LRRC4C: variants seen among roughly 807,000 people sequenced by gnomAD.
LRRC4C encodes the protein leucine rich repeat containing 4C, also known as leucine-rich repeat-containing protein 4C.
LRRC4C carries 5 observed loss-of-function variants against 33.6 expected under a neutral mutation model. The observed-to-expected ratio is 0.15, with a 90% CI of 0.08 to 0.31. The LOEUF is 0.31. Among genes scored for constraint, LRRC4C ranks in the 10% least tolerant of loss-of-function variants. The pLI, the probability that LRRC4C is intolerant of heterozygous loss-of-function variation, is 1.00. For missense variants in LRRC4C, 560 were observed against 796.7 expected (o/e 0.70, Z 3.58); for synonymous variants, 329 against 302.0 (o/e 1.09, Z -0.93).
intron 2 of LRRC4C, among the ~76,000 whole-genome samples, chr11:40,751,062 C>T (rs766913709): frequency 6.6e-6 from 1 of 150,412 alleles, no homozygotes; most frequent in Non-Finnish European, 1.5e-5. Context: ...TTGACAAATT[C>T]CACCTCCCTT....
rs1276243081 is a variant in LRRC4C at position 40,431,112 on chromosome 11, A to T, written c.-269-111391T>A. Among the ~76,000 whole-genome samples, 284 of 151,152 alleles carry T rather than the reference A, an allele frequency of 1.9e-3. 4 individuals carry two copies. The highest frequency in any genetic ancestry group is 6.7e-3 in the African/African-American group (275 of 41,206). On this transcript the variant is annotated intron_variant, in intron 3 of 6. Coordinates refer to ENST00000528697, the MANE Select transcript of LRRC4C (RefSeq NM_001258419.2). Reference sequence around the variant, plus strand: ...TAAAGTATAATAAAAAAAAAAAAAAAAAATAAATTAAGCACATTGTACTTT... The same window carrying T: ...TAAAGTATAATAAAAAAAAAAAAAATAAATAAATTAAGCACATTGTACTTT...
At chr11:41,021,909 C>T (rs1856009593) in intron 1 of LRRC4C, among the ~76,000 whole-genome samples, 1 of 151,872 alleles carries the variant, frequency 6.6e-6, no homozygotes, top group African/African-American at 2.4e-5. Flanking sequence ...TTCATATATT[C>T]TCACTAATAA....
intron 1 of LRRC4C, among the ~76,000 whole-genome samples, chr11:41,289,263 A>C (rs1000949105): frequency 6.6e-6 from 1 of 152,218 alleles, no homozygotes; most frequent in Non-Finnish European, 1.5e-5. Flanking sequence ...ATCATTAAGT[A>C]ATAGTCTTTG....
At chr11:41,107,285 G>A (rs559716594) in intron 1 of LRRC4C, among the ~76,000 whole-genome samples, 1 of 151,816 alleles carries the variant, frequency 6.6e-6, no homozygotes, top group Non-Finnish European at 1.5e-5. Context: ...TACTTAATTG[G>A]CAGCTTATGA....
chr11:40,981,103 G>C (rs1216699474), intron 1 of LRRC4C, among the ~76,000 whole-genome samples: 1 of 152,140 alleles, frequency 6.6e-6, no homozygotes, highest in Non-Finnish European at 1.5e-5. Context: ...CAAACCATCT[G>C]AAATATATGT....
intron 2 of LRRC4C, among the ~76,000 whole-genome samples, chr11:40,912,489 C>A (rs887815230): frequency 6.6e-6 from 1 of 152,132 alleles, no homozygotes. Flanking sequence ...TACAGACAAG[C>A]AAATGCTGAG....
intron 6 of LRRC4C, among the ~76,000 whole-genome samples, chr11:40,119,588 T>C (rs1017111874): frequency 1.3e-5 from 2 of 152,172 alleles, no homozygotes; most frequent in African/African-American, 4.8e-5. Flanking sequence ...TGAAAAGATA[T>C]TGAAAAATGT....
intron 3 of LRRC4C, chr11:40,446,136 G>A (rs891133274): frequency 6.6e-6 from 1 of 152,080 alleles, no homozygotes; most frequent in East Asian, 1.9e-4. Flanking sequence ...ACCCACATGA[G>A]GTCTCTCCCA....
At chr11:40,800,971 C>A (rs1247723260) in intron 2 of LRRC4C, among the ~76,000 whole-genome samples, 1 of 152,102 alleles carries the variant, frequency 6.6e-6, no homozygotes, top group Non-Finnish European at 1.5e-5. Context: ...TCTTCACTAC[C>A]TTGCCTTCCC....
intron 1 of LRRC4C, among the ~76,000 whole-genome samples, chr11:41,199,207 C>T (rs991814767): frequency 1.3e-5 from 2 of 152,036 alleles, no homozygotes; most frequent in East Asian, 3.9e-4. Flanking sequence ...GTGAGTATTC[C>T]TGAGTTTGTT....
At position 40,801,030 on chromosome 11, in the gene LRRC4C, C is replaced by T. The variant is rs1326024596; in HGVS notation, c.-407+132605G>A. On this transcript the variant is annotated intron_variant, in intron 2 of 6. Coordinates refer to ENST00000528697, the MANE Select transcript of LRRC4C (RefSeq NM_001258419.2). The stretch of plus-strand genomic sequence containing the variant: ...GGGCTTGTTTTCAATTATTCACCCA[C>T]GTTAATTATATTCCGCACTCTAAGT... Among the ~76,000 whole-genome samples the T allele has an allele frequency of 5.3e-5, 8 of 152,094 alleles. No homozygotes were observed. In the East Asian group the frequency reaches 5.8e-4, roughly 11 times the overall value.
At chr11:41,130,564 A>C (rs1192170967) in intron 1 of LRRC4C, among the ~76,000 whole-genome samples, 1 of 152,004 alleles carries the variant, frequency 6.6e-6, no homozygotes, top group Non-Finnish European at 1.5e-5. Context: ...CTCAACTATG[A>C]AATGTTTTTT....
chr11:40,417,343 C>G (rs5005464), intron 3 of LRRC4C, among the ~76,000 whole-genome samples: 1 of 151,122 alleles, frequency 6.6e-6, no homozygotes, highest in African/African-American at 2.4e-5. Context: ...TTATTTATTT[C>G]TTTTCTGAGA....
At chr11:40,710,456 T>C (rs1308890122) in intron 2 of LRRC4C, among the ~76,000 whole-genome samples, 2 of 152,216 alleles carry the variant, frequency 1.3e-5, no homozygotes, top group Middle Eastern at 3.4e-3. Flanking sequence ...GTCCCTCAGC[T>C]GCAGGTCTGT....
At chr11:40,189,867 G>C (rs775855001) in intron 5 of LRRC4C, among the ~76,000 whole-genome samples, 4 of 152,116 alleles carry the variant, frequency 2.6e-5, no homozygotes, top group Non-Finnish European at 5.9e-5. Context: ...AAACATACAT[G>C]CTATCTAAAA....
At chr11:41,339,664 C>G (rs184494951) in intron 1 of LRRC4C, among the ~76,000 whole-genome samples, 1 of 152,126 alleles carries the variant, frequency 6.6e-6, no homozygotes, top group African/African-American at 2.4e-5. Context: ...AAAATTACAT[C>G]CAATTTATTT....
chr11:40,199,358 A>ATTATTTTTAGAATGAT (rs1862521450), intron 5 of LRRC4C, among the ~76,000 whole-genome samples: 4 of 152,326 alleles, frequency 2.6e-5, no homozygotes, highest in Non-Finnish European at 4.4e-5. Flanking sequence ...GTAGTGAACC[A>ATTATTTTTAGAATGAT]CTGCGCCCAG....
At chr11:41,258,102 G>A (rs1308153918) in intron 1 of LRRC4C, among the ~76,000 whole-genome samples, 1 of 151,928 alleles carries the variant, frequency 6.6e-6, no homozygotes, top group Non-Finnish European at 1.5e-5. Context: ...AGAATAAGAG[G>A]AACCCGATTT....
chr11:40,481,073 A>T (rs192899654), intron 3 of LRRC4C, among the ~76,000 whole-genome samples: 3 of 152,258 alleles, frequency 2.0e-5, no homozygotes, highest in Admixed American at 6.5e-5. Flanking sequence ...AGTAAAAAAA[A>T]AAAAAGAAAA....
Sources: allele counts gnomAD v4.1 joint callset (sites outside exome capture counted in the v4.1 genomes callset), GRCh38; gene constraint gnomAD v4.1.1; transcripts MANE v1.5; gene names NCBI Gene and HGNC (gene_info 2026-07-23, HGNC 2026-07-21).